The following RIMS2 variants were observed in gnomAD, a reference collection of about 807,000 sequenced individuals.
The protein encoded by RIMS2 is regulating synaptic membrane exocytosis 2, also known as regulating synaptic membrane exocytosis protein 2.
A neutral mutation model predicts 174.4 loss-of-function variants in RIMS2; 59 were observed. That is an observed-to-expected ratio of 0.34 (90% CI 0.27 to 0.42). RIMS2 has a LOEUF of 0.42. RIMS2 is among the 10% of genes least tolerant of loss of function. The probability of loss-of-function intolerance (pLI) is 1.00; values close to 1 mark genes in which losing one functional copy is unlikely to be tolerated. For synonymous variants in RIMS2, 606 were observed against 572.5 expected (o/e 1.06, Z -0.84); for missense variants, 1,620 against 1,666.3 (o/e 0.97, Z 0.48).
At chr8:104,178,106 G>A (rs529335618) in intron 19 of RIMS2, among the ~76,000 whole-genome samples, 7 of 152,244 alleles carry the variant, frequency 4.6e-5, no homozygotes, top group African/African-American at 1.7e-4. Context: ...TACTTTCTTA[G>A]ATCAGAAAGA....
At chr8:103,534,368 A>G (rs1399808430) in intron 1 of RIMS2, among the ~76,000 whole-genome samples, 1 of 152,196 alleles carries the variant, frequency 6.6e-6, no homozygotes, top group Admixed American at 6.5e-5. Flanking sequence ...AAGCAAGTAC[A>G]AAAGACATAT....
chr8:103,741,862 A>C (rs1478524698), intron 2 of RIMS2, among the ~76,000 whole-genome samples: 1 of 152,136 alleles, frequency 6.6e-6, no homozygotes, highest in Non-Finnish European at 1.5e-5. Flanking sequence ...CCAATCAGCC[A>C]CATGAAACTT....
At chr8:103,796,005 A>T (rs1453596148) in intron 3 of RIMS2, among the ~76,000 whole-genome samples, 1 of 152,132 alleles carries the variant, frequency 6.6e-6, no homozygotes, top group Non-Finnish European at 1.5e-5. Flanking sequence ...TCTTATGGCC[A>T]TTTAAAGATA....
chr8:104,233,997 G>A (rs1244902366), intron 19 of RIMS2, among the ~76,000 whole-genome samples: 1 of 152,100 alleles, frequency 6.6e-6, no homozygotes, highest in African/African-American at 2.4e-5. Context: ...CCCCTTCATG[G>A]CAAGGCCTGT....
chr8:103,816,233 TA>T (rs1253531921), intron 3 of RIMS2, among the ~76,000 whole-genome samples: 1 of 152,110 alleles, frequency 6.6e-6, no homozygotes, highest in Non-Finnish European at 1.5e-5. Flanking sequence ...TGTGGCAGGC[TA>T]AAAATAAACA....
chr8:103,818,032 A>G (rs939072372), intron 3 of RIMS2, among the ~76,000 whole-genome samples: 2 of 151,982 alleles, frequency 1.3e-5, no homozygotes, highest in Non-Finnish European at 2.9e-5. Flanking sequence ...CTGAAATAAA[A>G]TGGGGGCACT....
Position 103,562,111 on chromosome 8 carries a change from A to T in RIMS2, c.176+61049A>T, listed in dbSNP as rs927659043. On this transcript the variant is annotated intron_variant, in intron 1 of 23. Transcript: ENST00000504942. ...GAGATTTGGGTGAGGAAACAACCAA[A>T]CCATATCATTTCACCCCTGGTCATT... 2.6e-5 allele frequency among the ~76,000 whole-genome samples: 4 copies of T among 152,126 alleles called. 1 individual carries two copies. The highest frequency in any genetic ancestry group is 5.9e-5 in the Non-Finnish European group (4 of 68,024).
At chr8:103,718,035 A>G (rs2097395864) in intron 2 of RIMS2, among the ~76,000 whole-genome samples, 1 of 152,218 alleles carries the variant, frequency 6.6e-6, no homozygotes, top group Admixed American at 6.5e-5. Context: ...CTTCTAAGGC[A>G]ATATACAAGC....
chr8:104,126,669 C>T (rs895093921), intron 19 of RIMS2, among the ~76,000 whole-genome samples: 22 of 152,266 alleles, frequency 1.4e-4, no homozygotes, highest in African/African-American at 4.8e-4. Flanking sequence ...GTGCTTGTAA[C>T]ACAATGCCTA....
At chr8:104,092,173 T>C (rs1456952152) in intron 19 of RIMS2, among the ~76,000 whole-genome samples, 1 of 151,844 alleles carries the variant, frequency 6.6e-6, no homozygotes, top group Non-Finnish European at 1.5e-5. Context: ...GTTTATGCTC[T>C]GTTGCCACTC....
intron 1 of RIMS2, among the ~76,000 whole-genome samples, chr8:103,539,069 T>A (rs1411900045): frequency 6.6e-6 from 1 of 152,204 alleles, no homozygotes; most frequent in East Asian, 1.9e-4. Flanking sequence ...AGTAATGGCA[T>A]GTGCCTTTAA....
intron 2 of RIMS2, among the ~76,000 whole-genome samples, chr8:103,698,681 G>A (rs1035639133): frequency 1.3e-5 from 2 of 151,938 alleles, no homozygotes; most frequent in Non-Finnish European, 2.9e-5. Flanking sequence ...ATGTTGCCTA[G>A]GCTGGACTTG....
chr8:103,876,868 A>T (rs1256802732), intron 3 of RIMS2, among the ~76,000 whole-genome samples: 22 of 18,414 alleles, frequency 1.2e-3, no homozygotes, highest in African/African-American at 1.8e-3. Flanking sequence ...ACTATTTTAT[A>T]TATATATATA....
At chr8:103,875,907 T>C (rs1040450312) in intron 3 of RIMS2, among the ~76,000 whole-genome samples, 2 of 152,112 alleles carry the variant, frequency 1.3e-5, no homozygotes, top group African/African-American at 4.8e-5. Flanking sequence ...TTCTATATCT[T>C]CTTTTGAGAA....
At chr8:104,031,137 A>C (rs1033809495) in intron 19 of RIMS2, among the ~76,000 whole-genome samples, 1 of 152,140 alleles carries the variant, frequency 6.6e-6, no homozygotes, top group Non-Finnish European at 1.5e-5. Flanking sequence ...GATTTTTATC[A>C]AAATAATATC....
intron 1 of RIMS2, among the ~76,000 whole-genome samples, chr8:103,572,301 G>A (rs1416908684): frequency 6.6e-6 from 1 of 152,202 alleles, no homozygotes; most frequent in Non-Finnish European, 1.5e-5. Context: ...GGTTGCTGCT[G>A]CTGGCTCGGG....
chr8:103,546,991 T>C (rs1845422166), intron 1 of RIMS2, among the ~76,000 whole-genome samples: 1 of 89,100 alleles, frequency 1.1e-5, no homozygotes, highest in African/African-American at 4.7e-5. Flanking sequence ...ACATCCTAGC[T>C]AAAATTAGGG....
chr8:104,121,559 C>T (rs2098374524), intron 19 of RIMS2, among the ~76,000 whole-genome samples: 1 of 152,146 alleles, frequency 6.6e-6, no homozygotes, highest in South Asian at 2.1e-4. Context: ...GGAAAAAATA[C>T]AAGACTATTA....
intron 19 of RIMS2, among the ~76,000 whole-genome samples, chr8:104,137,827 A>G (rs551937151): frequency 8.5e-5 from 13 of 152,310 alleles, no homozygotes; most frequent in African/African-American, 3.1e-4. Flanking sequence ...TAAATGTATA[A>G]TAAGTTGTTA....
Sources: gnomAD v4.1 joint callset for allele counts (sites outside exome capture counted in the v4.1 genomes callset) on GRCh38, gnomAD v4.1.1 for gene constraint, MANE v1.5 for transcripts, NCBI Gene and HGNC (gene_info 2026-07-23, HGNC 2026-07-21) for gene names.